Variants in S100Z observed in about 807,000 individuals in gnomAD.
S100Z encodes the protein protein S100-Z.
S100Z carries 11 observed loss-of-function variants against 8.5 expected under a neutral mutation model. The ratio of observed to expected loss-of-function variants is 1.30; its 90% CI spans 0.82 to 2.15. The LOEUF is 2.15. S100Z is among the 30% of genes most tolerant of loss of function. The probability of loss-of-function intolerance (pLI) is 0.00; values close to 1 mark genes in which losing one functional copy is unlikely to be tolerated. For synonymous variants in S100Z, 34 were observed against 43.8 expected (o/e 0.78, Z 0.89); for missense variants, 126 against 117.9 (o/e 1.07, Z -0.32).
chr5:76,914,800 A>G (rs1744799362), intron 4 of S100Z, among the ~76,000 whole-genome samples: 2 of 152,136 alleles, frequency 1.3e-5, no homozygotes, highest in African/African-American at 2.4e-5. Context: ...CACCACCTTT[A>G]AGAGCTGTAA....
chr5:76,936,966 C>A, the S100Z span, among the ~76,000 whole-genome samples: 2 of 152,080 alleles, frequency 1.3e-5, no homozygotes, highest in African/African-American at 2.4e-5. Context: ...AGTATGGAAG[C>A]TTATTCTCTG....
chr5:76,901,209 C>T (rs1379677088), intron 4 of S100Z, among the ~76,000 whole-genome samples: 1 of 152,180 alleles, frequency 6.6e-6, no homozygotes, highest in Non-Finnish European at 1.5e-5. Context: ...TCATCTAATG[C>T]CTGCTTTAAC....
the S100Z span, among the ~76,000 whole-genome samples, chr5:76,934,814 T>C: frequency 7.2e-5 from 11 of 152,054 alleles, no homozygotes; most frequent in African/African-American, 2.7e-4. Flanking sequence ...CTATTGTTTA[T>C]AAATTACCCA....
At chr5:76,932,768 A>C in the S100Z span, among the ~76,000 whole-genome samples, 1 of 152,030 alleles carries the variant, frequency 6.6e-6, no homozygotes, top group Non-Finnish European at 1.5e-5. Flanking sequence ...AAATTCATTT[A>C]TTTTTTCATC....
At chr5:76,861,981 C>A (rs1346457120) in intron 1 of S100Z, among the ~76,000 whole-genome samples, 1 of 152,050 alleles carries the variant, frequency 6.6e-6, no homozygotes, top group African/African-American at 2.4e-5. Flanking sequence ...CTTCATCTGA[C>A]TGCAGCAGTG....
chr5:76,922,000 A>G (rs1580073185), downstream of S100Z, among the ~76,000 whole-genome samples: 3 of 149,174 alleles, frequency 2.0e-5, no homozygotes, highest in African/African-American at 5.2e-5. Flanking sequence ...AAAAAAAAAA[A>G]AAAGAAAAAA....
intron 2 of S100Z, among the ~76,000 whole-genome samples, chr5:76,871,554 G>C (rs1037043381): frequency 7.6e-6 from 1 of 131,390 alleles, no homozygotes; most frequent in African/African-American, 2.9e-5. Flanking sequence ...ACAGAGTGTC[G>C]CTTTATCACC....
At chr5:76,950,044 GGTT>G in the S100Z span, among the ~76,000 whole-genome samples, 4 of 152,164 alleles carry the variant, frequency 2.6e-5, no homozygotes, top group East Asian at 5.8e-4. Context: ...ACTATTTGGT[GGTT>G]GTTGTTGTTG....
chr5:76,877,835 G>GT lies in S100Z; in HGVS notation c.*2+2dup. 6.2e-7 allele frequency: 1 copy of GT among 1,606,298 alleles called. No homozygotes were observed. The highest frequency in any genetic ancestry group is 1.1e-5 in the South Asian group (1 of 90,878). Reference sequence around the variant, plus strand: ...AATTGAAGAAGAAAGGAAAATAAAGGTAAGTAATAAGCTCATCTAAAGGCA... The same window carrying GT: ...AATTGAAGAAGAAAGGAAAATAAAGGTTAAGTAATAAGCTCATCTAAAGGCA... On this transcript the variant is annotated splice_donor_variant, in intron 4 of 4. Coordinates refer to ENST00000317593, the MANE Select transcript of S100Z (RefSeq NM_130772.4). LOFTEE classifies it low-confidence loss of function (3UTR_SPLICE).
At chr5:76,881,782 G>A (rs1743409123) in intron 4 of S100Z, among the ~76,000 whole-genome samples, 2 of 152,322 alleles carry the variant, frequency 1.3e-5, no homozygotes, top group East Asian at 3.9e-4. Flanking sequence ...AAACTGCCAT[G>A]AGGGTTAGAA....
chr5:76,937,308 TG>T, the S100Z span, among the ~76,000 whole-genome samples: 1 of 151,694 alleles, frequency 6.6e-6, no homozygotes, highest in African/African-American at 2.4e-5. Context: ...GGGTTGCACC[TG>T]GGGTAATACC....
downstream of S100Z, among the ~76,000 whole-genome samples, chr5:76,924,597 A>C (rs886871826): frequency 6.6e-6 from 1 of 152,114 alleles, no homozygotes; most frequent in African/African-American, 2.4e-5. Context: ...ATTACCCTAA[A>C]ACTTAATAGC....
the S100Z span, among the ~76,000 whole-genome samples, chr5:76,927,081 ATAG>A: frequency 6.6e-6 from 1 of 152,172 alleles, no homozygotes; most frequent in African/African-American, 2.4e-5. Context: ...TCTTACGCTA[ATAG>A]TAGTAACATA....
At chr5:76,859,758 G>A (rs1220515452) in intron 1 of S100Z, among the ~76,000 whole-genome samples, 1 of 61,374 alleles carries the variant, frequency 1.6e-5, no homozygotes, top group Non-Finnish European at 3.9e-5. Flanking sequence ...TACAGCCAGG[G>A]CAACAGAGCC....
chr5:76,950,461 CT>C, the S100Z span, among the ~76,000 whole-genome samples: 2 of 152,182 alleles, frequency 1.3e-5, no homozygotes, highest in African/African-American at 4.8e-5. Context: ...TGTGGCCACC[CT>C]GGCCTTCAGG....
chr5:76,936,052 C>G, the S100Z span, among the ~76,000 whole-genome samples: 58,947 of 152,120 alleles, frequency 0.39, 13,466 homozygotes, highest in South Asian at 0.66. Context: ...ACTGGGATTA[C>G]AGGCGTGAGC....
At chr5:76,861,343 ATT>A (rs10568349) in intron 1 of S100Z, among the ~76,000 whole-genome samples, 24,973 of 147,968 alleles carry the variant, frequency 0.17, 4,239 homozygotes, top group African/African-American at 0.44. Flanking sequence ...AAAAGCCAGG[ATT>A]TTTTTTTTTT....
At chr5:76,941,114 C>T in the S100Z span, among the ~76,000 whole-genome samples, 89 of 152,288 alleles carry the variant, frequency 5.8e-4, no homozygotes, top group Admixed American at 5.2e-3. Flanking sequence ...CACCGTTCTG[C>T]AGGCTGTACA....
intron 4 of S100Z, among the ~76,000 whole-genome samples, chr5:76,886,742 G>A (rs1743652614): frequency 6.6e-6 from 1 of 152,194 alleles, no homozygotes; most frequent in Non-Finnish European, 1.5e-5. Context: ...GGGATAGGCG[G>A]TGGAGTTAGG....
Sources: allele counts gnomAD v4.1 joint callset (sites outside exome capture counted in the v4.1 genomes callset), GRCh38; gene constraint gnomAD v4.1.1; transcripts MANE v1.5; gene names NCBI Gene and HGNC (gene_info 2026-07-23, HGNC 2026-07-21).